GRID1: variants seen among roughly 807,000 people sequenced by gnomAD.
The protein encoded by GRID1 is glutamate ionotropic receptor delta type subunit 1.
Under a neutral mutation model 98.0 loss-of-function variants are expected in GRID1, and 28 were observed. That is an observed-to-expected ratio of 0.29 (90% CI 0.21 to 0.39). The LOEUF (loss-of-function observed/expected upper bound fraction) is 0.39. Among genes scored for constraint, GRID1 ranks in the 10% least tolerant of loss-of-function variants. The pLI is 1.00. For synonymous variants in GRID1, 553 were observed against 538.5 expected (o/e 1.03, Z -0.37); for missense variants, 1,111 against 1,340.5 (o/e 0.83, Z 2.67).
intron 2 of GRID1, among the ~76,000 whole-genome samples, chr10:86,215,488 T>C (rs1337425792): frequency 6.6e-6 from 1 of 152,216 alleles, no homozygotes; most frequent in Admixed American, 6.5e-5. Context: ...TTAATGACTT[T>C]TACTGCTCCG....
At chr10:86,344,841 C>G (rs974545991) in intron 2 of GRID1, among the ~76,000 whole-genome samples, 4 of 152,200 alleles carry the variant, frequency 2.6e-5, no homozygotes, top group African/African-American at 9.6e-5. Flanking sequence ...GCAGGGGGCT[C>G]TCTGCTGGCA....
chr10:85,613,235 GT>G, intron 15 of GRID1, 171 bp downstream of exon 15: 1 of 703,482 alleles, frequency 1.4e-6, no homozygotes, highest in Non-Finnish European at 2.3e-6. Context: ...TTCTTCTCTA[GT>G]TTTAAAAACA....
intron 4 of GRID1, among the ~76,000 whole-genome samples, chr10:86,133,859 C>G (rs888985338): frequency 6.6e-6 from 1 of 152,208 alleles, no homozygotes; most frequent in Non-Finnish European, 1.5e-5. Flanking sequence ...CAGGGCTGGG[C>G]AGGCTGCCCC....
At chr10:86,336,090 G>A (rs529945803) in intron 2 of GRID1, among the ~76,000 whole-genome samples, 1 of 152,334 alleles carries the variant, frequency 6.6e-6, no homozygotes, top group Admixed American at 6.5e-5. Flanking sequence ...GGCGGCAGGG[G>A]CTGCTCCACT....
chr10:86,207,821 G>A (rs1018844117), intron 2 of GRID1, among the ~76,000 whole-genome samples: 42 of 151,990 alleles, frequency 2.8e-4, no homozygotes, highest in African/African-American at 8.7e-4. Context: ...TAGTAGAGAC[G>A]GAGTTTCACC....
chr10:85,991,575 A>G (rs1464287131), intron 4 of GRID1, among the ~76,000 whole-genome samples: 1 of 152,136 alleles, frequency 6.6e-6, no homozygotes, highest in African/African-American at 2.4e-5. Flanking sequence ...CCTGCGAAGG[A>G]AACTGCCAAG....
rs755415695 is a variant in GRID1 at position 86,138,902 on chromosome 10, C to T, written c.643G>A (p.Glu215Lys). 2 of 1,614,122 alleles carry T rather than the reference C, an allele frequency of 1.2e-6. No individual in the cohort carries two copies. The highest frequency in any genetic ancestry group is 2.2e-5 in the South Asian group (2 of 91,082). ...FTSLFTTMKT[E>K]ELNRYRDTLR... ...GTGTCCCGGTAGCGATTCAGCTCCT[C>T]TGTCTTCATCGTGGTGAAGAGGCTG... Residue 215 changes from glutamate to lysine, a missense_variant, in exon 4 of 16, where the codon GAG becomes AAG. Glu to Lys is a moderately conservative substitution (Grantham distance 56). Coordinates refer to ENST00000327946, the MANE Select transcript of GRID1 (RefSeq NM_017551.3).
At chr10:85,637,934 ATATTTTGAAC>A (rs1225413795) in intron 13 of GRID1, among the ~76,000 whole-genome samples, 17 of 152,324 alleles carry the variant, frequency 1.1e-4, no homozygotes, top group African/African-American at 4.1e-4. Context: ...CTGGGACTTC[ATATTTTGAAC>A]TAGGTGATAA....
intron 5 of GRID1, among the ~76,000 whole-genome samples, chr10:85,906,158 C>G (rs865892865): frequency 6.6e-6 from 1 of 151,936 alleles, no homozygotes; most frequent in Non-Finnish European, 1.5e-5. Context: ...AGGGACAAAT[C>G]CTAATTTAAG....
intron 2 of GRID1, among the ~76,000 whole-genome samples, chr10:86,225,924 G>C (rs1846335108): frequency 6.6e-6 from 1 of 152,136 alleles, no homozygotes; most frequent in Non-Finnish European, 1.5e-5. Flanking sequence ...CATCAAGGCT[G>C]CAGGCATTCG....
intron 4 of GRID1, among the ~76,000 whole-genome samples, chr10:85,959,662 A>C (rs914290356): frequency 1.3e-5 from 2 of 152,038 alleles, no homozygotes; most frequent in African/African-American, 4.8e-5. Flanking sequence ...TCTTTTGCTC[A>C]GCATAATGTT....
At chr10:85,777,425 T>G (rs151100609) in intron 8 of GRID1, among the ~76,000 whole-genome samples, 2 of 152,200 alleles carry the variant, frequency 1.3e-5, no homozygotes, top group Non-Finnish European at 2.9e-5. Flanking sequence ...GACTTTAAAA[T>G]AGACTGATGC....
chr10:85,885,896 C>A (rs1399115514), intron 5 of GRID1, among the ~76,000 whole-genome samples: 3 of 152,210 alleles, frequency 2.0e-5, no homozygotes, highest in Non-Finnish European at 4.4e-5. Context: ...AGGACACACC[C>A]AGCTTCAGGA....
chr10:85,867,144 C>T (rs1387156897), intron 6 of GRID1, among the ~76,000 whole-genome samples: 1 of 152,148 alleles, frequency 6.6e-6, no homozygotes, highest in Non-Finnish European at 1.5e-5. Flanking sequence ...TGATATGCAA[C>T]CAAAGGGCCC....
intron 5 of GRID1, among the ~76,000 whole-genome samples, chr10:85,876,363 T>A (rs1843331583): frequency 1.3e-5 from 2 of 152,156 alleles, no homozygotes. Context: ...GCTCTGCCTC[T>A]GTGGTTGCAT....
chr10:86,036,046 A>T (rs545168823), intron 4 of GRID1, among the ~76,000 whole-genome samples: 232 of 152,254 alleles, frequency 1.5e-3, no homozygotes, highest in African/African-American at 5.3e-3. Context: ...ATCAGTTAGG[A>T]AAAAGGGAAG....
chr10:86,113,561 A>T (rs1844522132), intron 4 of GRID1, among the ~76,000 whole-genome samples: 1 of 152,188 alleles, frequency 6.6e-6, no homozygotes, highest in South Asian at 2.1e-4. Flanking sequence ...ACTCTTCACC[A>T]CATGATATTA....
intron 4 of GRID1, among the ~76,000 whole-genome samples, chr10:85,944,289 G>A (rs1231176172): frequency 2.6e-5 from 4 of 152,100 alleles, no homozygotes; most frequent in Non-Finnish European, 4.4e-5. Context: ...CAGCAAAAGC[G>A]AACAAAAATA....
intron 12 of GRID1, among the ~76,000 whole-genome samples, chr10:85,697,686 T>C (rs1412426273): frequency 6.6e-6 from 1 of 152,312 alleles, no homozygotes; most frequent in East Asian, 1.9e-4. Flanking sequence ...TACAAGTTTA[T>C]GGTGGCCTGA....
Sources: allele counts gnomAD v4.1 joint callset (sites outside exome capture counted in the v4.1 genomes callset), GRCh38; gene constraint gnomAD v4.1.1; transcripts MANE v1.5; gene names NCBI Gene and HGNC (gene_info 2026-07-23, HGNC 2026-07-21).